MAGI2: variants seen among roughly 807,000 people sequenced by gnomAD.
The protein encoded by MAGI2 is membrane-associated guanylate kinase, WW and PDZ domain-containing protein 2.
Under a neutral mutation model 133.3 loss-of-function variants are expected in MAGI2, and 35 were observed. That is an observed-to-expected ratio of 0.26 (90% CI 0.20 to 0.35). MAGI2 has a LOEUF of 0.35. Ranked by LOEUF, MAGI2 falls within the 10% of genes least tolerant of loss-of-function variation. MAGI2 has a pLI of 1.00. For missense variants in MAGI2, 1,636 were observed against 1,863.4 expected (o/e 0.88, Z 2.25); for synonymous variants, 729 against 710.6 (o/e 1.03, Z -0.41).
At chr7:79,247,252 T>C (rs1832893053) in intron 1 of MAGI2, among the ~76,000 whole-genome samples, 1 of 152,134 alleles carries the variant, frequency 6.6e-6, no homozygotes, top group Non-Finnish European at 1.5e-5. Flanking sequence ...AAAACAATAT[T>C]ATAACACTTT....
intron 2 of MAGI2, among the ~76,000 whole-genome samples, chr7:78,793,336 T>G (rs537796082): frequency 6.6e-6 from 1 of 152,334 alleles, no homozygotes; most frequent in South Asian, 2.1e-4. Context: ...TCTAGAAACA[T>G]TTTTTGGTTT....
At chr7:78,165,722 T>A (rs1366690551) in intron 15 of MAGI2, among the ~76,000 whole-genome samples, 1 of 152,128 alleles carries the variant, frequency 6.6e-6, no homozygotes, top group African/African-American at 2.4e-5. Context: ...GGCTTGCACC[T>A]CCCACTGCCT....
chr7:79,196,924 T>C, intron 1 of MAGI2, among the ~76,000 whole-genome samples: 1 of 151,568 alleles, frequency 6.6e-6, no homozygotes, highest in Non-Finnish European at 1.5e-5. Context: ...CACACCACCA[T>C]GCCTAGTTAA....
chr7:78,554,531 A>G (rs1003651596), intron 3 of MAGI2: 4 of 152,354 alleles, frequency 2.6e-5, no homozygotes, highest in Non-Finnish European at 5.9e-5. Context: ...GCACCGTGGC[A>G]TTTGACAACA....
rs190298865 is a variant in MAGI2 at position 78,226,423 on chromosome 7, C to A, written c.2048-25230G>T. Among the ~76,000 whole-genome samples, 12 of 152,180 alleles carry A rather than the reference C, an allele frequency of 7.9e-5. No homozygotes were observed. In the East Asian group the frequency reaches 2.3e-3, roughly 29 times the overall value. On this transcript the variant is annotated intron_variant, in intron 10 of 21. Transcript: ENST00000354212. ...ATAGACAAAATACAGGCATTACTCTCCTTATTTCAACTTTATAGCTGAGCC... is the reference window on the plus strand; with the variant it reads ...ATAGACAAAATACAGGCATTACTCTACTTATTTCAACTTTATAGCTGAGCC...
At chr7:78,425,341 A>G (rs546352841) in intron 6 of MAGI2, among the ~76,000 whole-genome samples, 78 of 152,256 alleles carry the variant, frequency 5.1e-4, no homozygotes, top group Middle Eastern at 3.4e-3. Context: ...TGTAAGTCCA[A>G]TTAAACCTCT....
At chr7:79,182,186 A>G (rs932855027) in intron 1 of MAGI2, among the ~76,000 whole-genome samples, 1 of 151,890 alleles carries the variant, frequency 6.6e-6, no homozygotes, top group African/African-American at 2.4e-5. Flanking sequence ...ACTGTTACCA[A>G]TTTACCATAT....
chr7:79,038,142 C>T (rs183536731), intron 1 of MAGI2, among the ~76,000 whole-genome samples: 5 of 152,250 alleles, frequency 3.3e-5, no homozygotes, highest in Admixed American at 3.3e-4. Context: ...GATATTCTAA[C>T]TGTATTATTT....
chr7:79,186,709 A>ATATATTTATACAAAAG (rs1827178604), intron 1 of MAGI2, among the ~76,000 whole-genome samples: 1 of 130,536 alleles, frequency 7.7e-6, no homozygotes, highest in African/African-American at 3.3e-5. Context: ...ACAAAAGTAT[A>ATATATTTATACAAAAG]TATATATATT....
chr7:78,625,299 C>T (rs759377307), intron 3 of MAGI2, among the ~76,000 whole-genome samples: 10 of 150,506 alleles, frequency 6.6e-5, no homozygotes, highest in Non-Finnish European at 1.2e-4. Context: ...ATTTCCCAGC[C>T]CCCAGAGAAA....
intron 2 of MAGI2, among the ~76,000 whole-genome samples, chr7:78,804,592 CA>C (rs1393706920): frequency 6.7e-6 from 1 of 150,238 alleles, no homozygotes; most frequent in African/African-American, 2.4e-5. Context: ...ACTAAAAATA[CA>C]AAAAAATTAG....
intron 6 of MAGI2, among the ~76,000 whole-genome samples, chr7:78,386,860 T>C (rs921975847): frequency 3.3e-5 from 5 of 152,150 alleles, no homozygotes; most frequent in Admixed American, 6.6e-5. Context: ...ATCACATAAT[T>C]TTGTCTTATA....
rs10526268 is a variant in MAGI2, at chr7:78,903,172, C to CTTTTTTTTTTTTTTT, written c.418+103903_418+103917dup. On this transcript the variant is annotated intron_variant, in intron 2 of 21. Coordinates refer to ENST00000354212, the MANE Select transcript of MAGI2 (RefSeq NM_012301.4). ...TTCATGCAAGTGGGAGTTCCTGAAT[C>CTTTTTTTTTTTTTTT]TTTTTTTTTTTTTTTTTTTTTTTTT... 4.3e-4 allele frequency among the ~76,000 whole-genome samples: 24 copies of CTTTTTTTTTTTTTTT among 56,120 alleles called. 3 individuals are homozygous for CTTTTTTTTTTTTTTT. The highest frequency in any genetic ancestry group is 9.2e-4 in the Admixed American group (3 of 3,270). The allele number at this position is 56,120 out of a possible 152,430, so 36.8% of individuals were successfully genotyped here.
At chr7:78,883,211 C>T (rs563841114) in intron 2 of MAGI2, among the ~76,000 whole-genome samples, 1 of 151,948 alleles carries the variant, frequency 6.6e-6, no homozygotes, top group Non-Finnish European at 1.5e-5. Flanking sequence ...CCAATAACAC[C>T]CAAGCTGAGA....
chr7:78,404,352 C>T (rs532642137), intron 6 of MAGI2, among the ~76,000 whole-genome samples: 1 of 152,232 alleles, frequency 6.6e-6, no homozygotes, highest in East Asian at 1.9e-4. Flanking sequence ...AATGAGCCTG[C>T]ATTGCCAAGT....
chr7:79,139,426 G>T (rs913807151), intron 1 of MAGI2, among the ~76,000 whole-genome samples: 1 of 152,162 alleles, frequency 6.6e-6, no homozygotes, highest in Non-Finnish European at 1.5e-5. Context: ...CTGGGACTCA[G>T]GGAGGTTACA....
rs1208616784 is a variant in MAGI2, at chr7:78,589,133, C to T, written c.538+37987G>A. Among the ~76,000 whole-genome samples the T allele has an allele frequency of 2.0e-5, 3 of 152,294 alleles. No individual in the cohort carries two copies. The East Asian group carries it at 5.8e-4, about 29-fold the overall frequency. On this transcript the variant is annotated intron_variant, in intron 3 of 21. Transcript: ENST00000354212. ...AGCTGTTTCCTGATAATTTTACGGT[C>T]TGGCCATAAATGTTTTGAAGTAGAT...
rs574956798 is a variant in MAGI2 at position 78,109,145 on chromosome 7, A to G, written c.3567+16549T>C. 3.3e-5 allele frequency among the ~76,000 whole-genome samples: 5 copies of G among 150,696 alleles called. 1 individual carries two copies. The South Asian group carries it at 1.0e-3, about 32-fold the overall frequency. On this transcript the variant is annotated intron_variant, in intron 20 of 21. Coordinates refer to ENST00000354212, the MANE Select transcript of MAGI2 (RefSeq NM_012301.4). Reference sequence around the variant, plus strand: ...CAGCGAAACCCCATCTCTACTAAAAATACAAAATATTAGCTGGGCGTGGTG... The same window carrying G: ...CAGCGAAACCCCATCTCTACTAAAAGTACAAAATATTAGCTGGGCGTGGTG...
intron 21 of MAGI2, among the ~76,000 whole-genome samples, chr7:78,042,946 A>G (rs987614605): frequency 1.3e-5 from 2 of 152,208 alleles, no homozygotes; most frequent in African/African-American, 2.4e-5. Flanking sequence ...ATACACCAAC[A>G]TCCCCTTAAA....
Sources: allele counts gnomAD v4.1 joint callset (sites outside exome capture counted in the v4.1 genomes callset), GRCh38; gene constraint gnomAD v4.1.1; transcripts MANE v1.5; gene names NCBI Gene and HGNC (gene_info 2026-07-23, HGNC 2026-07-21).